CDH7: variants seen among roughly 807,000 people sequenced by gnomAD.
CDH7 encodes the protein cadherin 7, also known as cadherin-7.
In CDH7, 25 loss-of-function variants were observed where a neutral mutation model predicts 71.8. The observed-to-expected ratio is 0.35, with a 90% confidence interval of 0.25 to 0.49. CDH7 has a LOEUF of 0.49. Ranked by LOEUF, CDH7 falls within the 20% of genes least tolerant of loss-of-function variation. The pLI, the probability that CDH7 is intolerant of heterozygous loss-of-function variation, is 0.99. For missense variants in CDH7, 862 were observed against 974.6 expected (o/e 0.88, Z 1.54); for synonymous variants, 381 against 363.8 (o/e 1.05, Z -0.54).
intron 7 of CDH7, among the ~76,000 whole-genome samples, chr18:65,846,769 A>G (rs1041241097): frequency 6.6e-6 from 1 of 152,104 alleles, no homozygotes; most frequent in African/African-American, 2.4e-5. Context: ...GTGTTTTTGT[A>G]TTAGCCAGCA....
intron 4 of CDH7, among the ~76,000 whole-genome samples, chr18:65,818,580 T>C (rs1306770790): frequency 1.3e-5 from 2 of 152,218 alleles, no homozygotes; most frequent in African/African-American, 4.8e-5. Context: ...TGATATAATG[T>C]AAAACAGAAT....
chr18:65,771,116 A>G (rs1485108358), intron 2 of CDH7, among the ~76,000 whole-genome samples: 1 of 152,146 alleles, frequency 6.6e-6, no homozygotes, highest in African/African-American at 2.4e-5. Flanking sequence ...ACCATATAAT[A>G]TCATTTAACC....
chr18:65,766,882 A>T (rs1355346843), intron 2 of CDH7, among the ~76,000 whole-genome samples: 1 of 118,584 alleles, frequency 8.4e-6, no homozygotes, highest in African/African-American at 3.1e-5. Flanking sequence ...TAACTGTCTG[A>T]CGTAAAAAAA....
chr18:65,866,789 G>A (rs554680213), intron 11 of CDH7, among the ~76,000 whole-genome samples: 35 of 152,018 alleles, frequency 2.3e-4, no homozygotes, highest in Non-Finnish European at 4.6e-4. Flanking sequence ...CTAACTTTAT[G>A]GATGAACTGC....
At chr18:65,831,492 T>C (rs1164513398) in intron 6 of CDH7, among the ~76,000 whole-genome samples, 4 of 152,124 alleles carry the variant, frequency 2.6e-5, no homozygotes, top group Non-Finnish European at 5.9e-5. Context: ...TTATTTGGAG[T>C]TGTTTTCCCA....
intron 2 of CDH7, among the ~76,000 whole-genome samples, chr18:65,773,350 A>C (rs1195142942): frequency 2.0e-5 from 3 of 152,162 alleles, no homozygotes; most frequent in Non-Finnish European, 2.9e-5. Context: ...AAAAGAAAGA[A>C]TATATTGTTC....
At chr18:65,860,337 A>G (rs905119374) in intron 10 of CDH7, among the ~76,000 whole-genome samples, 2 of 152,194 alleles carry the variant, frequency 1.3e-5, no homozygotes, top group Admixed American at 1.3e-4. Flanking sequence ...GCTAAGAAAT[A>G]TAATGTTAAA....
intron 6 of CDH7, among the ~76,000 whole-genome samples, chr18:65,841,076 G>A (rs1912716216): frequency 6.6e-6 from 1 of 151,934 alleles, no homozygotes; most frequent in Non-Finnish European, 1.5e-5. Context: ...GGCATATTTT[G>A]ATATACTCTG....
rs1216720798 is a variant in CDH7 at position 65,889,616 on chromosome 18, A to G, written c.*8722A>G. On this transcript the variant is annotated 3_prime_UTR_variant, in exon 12 of 12. Transcript: ENST00000397968. ...AGAAAAAGCTTTGTGTAAAATACAG[A>G]ATACAACACAAGGAATAATGAAAAG... The G allele has an allele frequency of 2.0e-5, 3 of 152,216 alleles. No individual in the cohort carries two copies. Among genetic ancestry groups the G allele is most frequent in the Admixed American group, 2.0e-4 (3 of 15,280 alleles). 9.4% of individuals were successfully genotyped at this position (152,216 alleles called of 1,614,324 possible). A position where few individuals can be genotyped will look rare whatever the true frequency, so the allele number is the denominator to read the frequency against.
Position 65,859,716 on chromosome 18 carries a change from G to C in CDH7, c.1503G>C (p.Gln501His). 1 of 1,597,546 alleles carries C rather than the reference G, an allele frequency of 6.3e-7. No homozygotes were observed. Among genetic ancestry groups the C allele is most frequent in the Non-Finnish European group, 8.6e-7 (1 of 1,165,144 alleles). ...ACTTTCTCTTTTCCTAGGTTATCCA[G>C]AAAATCAGTGCTGTGGATAAAGATG... is the stretch of plus-strand genomic sequence containing the variant. ...CENAQPGQVI[Q>H]KISAVDKDEP... The change falls in exon 10 of 12, where the codon CAG becomes CAC. Residue 501 changes from glutamine (Q) to histidine (H), a missense_variant. Gln to His is a conservative substitution (Grantham distance 24, BLOSUM62 0). Transcript: ENST00000397968.
rs1403341044 is a variant in CDH7 at position 65,782,057 on chromosome 18, CCTTCCTTT to C, written c.210+19009_210+19016del. Among the ~76,000 whole-genome samples, 23 of 52,266 alleles carry C rather than the reference CCTTCCTTT, an allele frequency of 4.4e-4. 3 individuals are homozygous for C. The highest frequency in any genetic ancestry group is 5.8e-4 in the Non-Finnish European group (19 of 32,784). The allele number at this position is 52,266 out of a possible 152,430, so 34.3% of individuals were successfully genotyped here. ...TCCTTCCTTCCTTCCTTCCTTCCTTCCTTCCTTTCTTTCTTTCTTTCTTTCCTTCCTTC... is the reference window on the plus strand; with the variant it reads ...TCCTTCCTTCCTTCCTTCCTTCCTTCCTTTCTTTCTTTCTTTCCTTCCTTC... On this transcript the variant is annotated intron_variant, in intron 2 of 11. Coordinates refer to ENST00000397968, the MANE Select transcript of CDH7 (RefSeq NM_004361.5).
chr18:65,808,801 A>G (rs934368653), intron 2 of CDH7, among the ~76,000 whole-genome samples: 26 of 152,216 alleles, frequency 1.7e-4, no homozygotes. Context: ...CATATTAACC[A>G]AAGTGCAGAA....
chr18:65,844,174 G>GATAGATATATATAT (rs145270355), intron 7 of CDH7, 109 bp downstream of exon 7: 1 of 222,152 alleles, frequency 4.5e-6, no homozygotes, highest in East Asian at 7.1e-5. Context: ...ATAAAAACCA[G>GATAGATATATATAT]ATATATATAT....
chr18:65,763,105 G>A, intron 2 of CDH7, 53 bp downstream of exon 2: 1 of 1,255,434 alleles, frequency 8.0e-7, no homozygotes, highest in Non-Finnish European at 1.1e-6. Flanking sequence ...CATGTCTATG[G>A]TTTGATGAAA....
chr18:65,767,355 A>G (rs1246382148), intron 2 of CDH7, among the ~76,000 whole-genome samples: 1 of 152,142 alleles, frequency 6.6e-6, no homozygotes, highest in African/African-American at 2.4e-5. Flanking sequence ...TCATATTGAA[A>G]ATAGGTTGTG....
intron 6 of CDH7, among the ~76,000 whole-genome samples, chr18:65,835,170 T>C (rs1376081225): frequency 6.6e-6 from 1 of 151,954 alleles, no homozygotes; most frequent in Non-Finnish European, 1.5e-5. Flanking sequence ...AGAACAGAGG[T>C]TGTATGGTCT....
intron 2 of CDH7, among the ~76,000 whole-genome samples, chr18:65,790,220 C>CAAAA (rs10552878): frequency 5.4e-4 from 36 of 66,424 alleles, no homozygotes; most frequent in Non-Finnish European, 6.8e-4. Context: ...GACTCTCTCT[C>CAAAA]AAAAAAAAAA....
At chr18:65,753,063 A>T (rs1032250011) in intron 1 of CDH7, among the ~76,000 whole-genome samples, 1 of 152,080 alleles carries the variant, frequency 6.6e-6, no homozygotes, top group African/African-American at 2.4e-5. Context: ...CCTTGAATTG[A>T]CTCTAGTGTT....
At chr18:65,764,520 T>G (rs1275279554) in intron 2 of CDH7, among the ~76,000 whole-genome samples, 3 of 152,054 alleles carry the variant, frequency 2.0e-5, no homozygotes, top group Non-Finnish European at 2.9e-5. Flanking sequence ...ACTTGTTTTC[T>G]TATAAAGAAA....
Sources: allele counts gnomAD v4.1 joint callset (sites outside exome capture counted in the v4.1 genomes callset), GRCh38; gene constraint gnomAD v4.1.1; transcripts MANE v1.5; gene names NCBI Gene and HGNC (gene_info 2026-07-23, HGNC 2026-07-21).